Variants in SPATA32 observed in about 807,000 individuals in gnomAD.
SPATA32 encodes the protein spermatogenesis-associated protein 32.
SPATA32 carries 28 observed loss-of-function variants against 35.4 expected under a neutral mutation model. The observed-to-expected ratio is 0.79, with a 90% CI of 0.59 to 1.09. The LOEUF is 1.09. SPATA32 is among the 50% of genes least tolerant of loss of function. SPATA32 has a pLI of 0.00. For synonymous variants in SPATA32, 168 were observed against 196.3 expected, an observed-to-expected ratio of 0.86 and a Z score of 1.20; for missense variants, 409 against 475.9, an observed-to-expected ratio of 0.86 and a Z score of 1.31.
intron 1 of SPATA32, chr17:45,261,684 C>T (rs909407750): frequency 4.7e-5 from 17 of 365,150 alleles, no homozygotes; most frequent in Admixed American, 9.2e-5. Context: ...GTTTCCTGTG[C>T]ACAAGGCCAT....
chr17:45,261,999 C>T lies in SPATA32; in HGVS notation c.13+5G>A. The T allele has an allele frequency of 7.6e-7, 1 of 1,313,094 alleles. No homozygotes were observed. Among genetic ancestry groups the T allele is most frequent in the Non-Finnish European group, 9.8e-7 (1 of 1,022,264 alleles). 81.3% of individuals were successfully genotyped at this position (1,313,094 alleles called of 1,614,324 possible). On this transcript the variant is annotated splice_donor_5th_base_variant and intron_variant, in intron 1 of 4. Transcript: ENST00000331780. ...CCTCGCCCCCGGGCGCTCGGCCGCTCCCACCTGTCACCCCCATGCAGACCG... is the reference window on the plus strand; with the variant it reads ...CCTCGCCCCCGGGCGCTCGGCCGCTTCCACCTGTCACCCCCATGCAGACCG...
chr17:45,258,470 C>T (rs1019712617), intron 1 of SPATA32, among the ~76,000 whole-genome samples: 1 of 152,116 alleles, frequency 6.6e-6, no homozygotes. Flanking sequence ...CCTCCATAAA[C>T]GGCAGCTGGG....
At position 45,255,737 on chromosome 17, in the gene SPATA32, T is replaced by C; in HGVS notation, c.445A>G (p.Ile149Val). The C allele has an allele frequency of 6.2e-7, 1 of 1,613,960 alleles. No homozygotes were observed. Among genetic ancestry groups the C allele is most frequent in the Non-Finnish European group, 8.5e-7 (1 of 1,179,930 alleles). The change falls in exon 4 of 5, where the codon ATC (isoleucine) becomes GTC (valine). Residue 149 changes from isoleucine (I) to valine (V), a missense_variant. By Grantham distance (29) the Ile-to-Val change is conservative. Coordinates refer to ENST00000331780, the MANE Select transcript of SPATA32 (RefSeq NM_152343.3). This position sits in a 1 kb window ranked among gnomAD's most constrained non-coding sequence, Gnocchi z 5.4. Reference protein sequence around the residue: ...ENHVSACHHSISAQTSKHLFW... With the variant: ...ENHVSACHHSVSAQTSKHLFW... ...AGGTGCTTGGAGGTCTGCGCACTGA[T>C]GGAGTGATGGCAGGCAGACACGTGG...
rs73984353 is a variant in SPATA32 at position 45,255,632 on chromosome 17, C to T, written c.550G>A (p.Ala184Thr). The change falls in exon 4 of 5, where the codon GCA becomes ACA. Residue 184 changes from alanine to threonine, a missense_variant. Ala to Thr is a moderately conservative substitution (Grantham distance 58, BLOSUM62 0). Transcript: ENST00000331780. This position sits in a 1 kb window ranked among gnomAD's most constrained non-coding sequence, Gnocchi z 5.4. ...AGCGGGGATCTGATGGGCTGGCCTG[C>T]GCTGCCATTGTTGAGCTGCATGTTG... ...AINMQLNNGS[A>T]GQPIRSPLRE... 9.6e-5 allele frequency: 155 copies of T among 1,613,906 alleles called. No homozygotes were observed. In the African/African-American group the frequency reaches 1.7e-3, roughly 17 times the overall value.
rs1281700932 is a variant in SPATA32 at position 45,255,802 on chromosome 17, C to T, written c.380G>A (p.Trp127Ter). 2 of 1,614,146 alleles carry T rather than the reference C, an allele frequency of 1.2e-6. No homozygotes were observed. Among genetic ancestry groups the T allele is most frequent in the African/African-American group, 2.7e-5 (2 of 75,034 alleles). ...GLPTPQTFRP[W>*]SLNSNCRSFT... ...ACTCCGGCAGTTTGAATTCAGACTC[C>T]ACGGTCTGAAGGTCTGTGGCGTGGG... The change falls in exon 4 of 5, where the codon TGG (tryptophan) becomes TAG (stop). Residue 127 changes from tryptophan (W) to a stop codon, truncating the protein, a stop_gained. Transcript: ENST00000331780. LOFTEE classifies it high-confidence loss of function. This position sits in a 1 kb window ranked among gnomAD's most constrained non-coding sequence, Gnocchi z 5.4.
chr17:45,261,918 A>C, intron 1 of SPATA32, 86 bp downstream of exon 1: 1 of 1,251,068 alleles, frequency 8.0e-7, no homozygotes, highest in Non-Finnish European at 1.0e-6. Flanking sequence ...CGGATTCCTG[A>C]CCGCCCCCTT....
At chr17:45,258,709 A>T (rs933635617) in intron 1 of SPATA32, among the ~76,000 whole-genome samples, 1 of 150,116 alleles carries the variant, frequency 6.7e-6, no homozygotes, top group Non-Finnish European at 1.5e-5. Context: ...ATCTCGGCTC[A>T]CTGTAACCTC....
chr17:45,261,094 G>GTTTT (rs1491518933), intron 1 of SPATA32: 834 of 62,292 alleles, frequency 0.013, 21 homozygotes, highest in African/African-American at 0.065. Flanking sequence ...CCCGACCTCT[G>GTTTT]GTTTTTTTTT....
chr17:45,258,843 C>A, intron 1 of SPATA32, among the ~76,000 whole-genome samples: 1 of 152,114 alleles, frequency 6.6e-6, no homozygotes, highest in East Asian at 1.9e-4. Flanking sequence ...ACCATTTTGG[C>A]CAGGCTGATC....
In SPATA32 at chr17:45,255,959, A is replaced by T; in HGVS notation, c.223T>A (p.Ser75Thr). The T allele has an allele frequency of 1.9e-6, 3 of 1,613,348 alleles. No individual in the cohort carries two copies. The South Asian group carries it at 3.3e-5, about 18-fold the overall frequency. Residue 75 changes from serine to threonine, a missense_variant, in exon 4 of 5, where the codon TCA (serine) becomes ACA (threonine). Ser to Thr is a moderately conservative substitution (Grantham distance 58). Transcript: ENST00000331780. The surrounding 1 kb of genome is among the most constrained non-coding windows in gnomAD (Gnocchi z 5.4). ...EIGQVPALLE[S>T]ELYPALKLEA... ...AGCTTGAGGGCTGGGTATAGCTCTGACTCCAGTAAAGCCGGCACCTGTCCG... is the reference window on the plus strand; with the variant it reads ...AGCTTGAGGGCTGGGTATAGCTCTGTCTCCAGTAAAGCCGGCACCTGTCCG...
chr17:45,256,567 C>T lies in SPATA32; in HGVS notation c.69-152G>A, dbSNP rs1237796698. 4.3e-6 allele frequency: 3 copies of T among 697,286 alleles called. No homozygotes were observed. In the African/African-American group the frequency reaches 5.2e-5, roughly 12 times the overall value. 43.2% of individuals were successfully genotyped at this position (697,286 alleles called of 1,614,324 possible). ...CCCCGCCACCAGCTCATCCACTCCC[C>T]TGCTGTCCCACTCCACTGCCACCAG... On this transcript the variant is annotated intron_variant, in intron 2 of 4. Coordinates refer to ENST00000331780, the MANE Select transcript of SPATA32 (RefSeq NM_152343.3). This position sits in a 1 kb window ranked among gnomAD's most constrained non-coding sequence, Gnocchi z 4.7.
chr17:45,257,034 G>A, intron 2 of SPATA32, 119 bp downstream of exon 2: 2 of 1,179,550 alleles, frequency 1.7e-6, no homozygotes, highest in Admixed American at 4.0e-5. Context: ...GCCCCGGGGA[G>A]GTTTTGGAAA....
In SPATA32 at chr17:45,254,409, T is replaced by G. The variant is rs2143714917; in HGVS notation, c.*17A>C. 1.9e-6 allele frequency: 3 copies of G among 1,613,056 alleles called. No individual in the cohort carries two copies. In the East Asian group the frequency reaches 6.7e-5, roughly 36 times the overall value. ...AAGCCGACGGCCAGCACTGGAGGCT[T>G]TATTGGTTCTGTCTAGTCATTTCTC... On this transcript the variant is annotated 3_prime_UTR_variant, in exon 5 of 5. Transcript: ENST00000331780.
In SPATA32 at chr17:45,256,397, G is replaced by T. The variant is rs749935118; in HGVS notation, c.87C>A (p.His29Gln). 1 of 1,606,340 alleles carries T rather than the reference G, an allele frequency of 6.2e-7. No homozygotes were observed. Among genetic ancestry groups the T allele is most frequent in the Non-Finnish European group, 8.5e-7 (1 of 1,175,956 alleles). ...VAEMRDDLSQ[H>Q]QIQEEQELEA... ...TTACCTCCTGTTCCTCTTGTATCTG[G>T]TGTTGACTTAAGTCATCTCTAAGAC... The change falls in exon 3 of 5, where the codon CAC (histidine) becomes CAA (glutamine). Residue 29 changes from histidine (H) to glutamine (Q), a missense_variant. His to Gln is a conservative substitution (Grantham distance 24). Transcript: ENST00000331780. This position sits in a 1 kb window ranked among gnomAD's most constrained non-coding sequence, Gnocchi z 4.7.
chr17:45,257,267 AT>A (rs755148758), intron 1 of SPATA32, 60 bp from the exon 2 acceptor site: 2 of 1,548,968 alleles, frequency 1.3e-6, no homozygotes. Context: ...TCCCAGAGGG[AT>A]TCCGGAGCCA....
At chr17:45,261,973 C>A in intron 1 of SPATA32, 31 bp downstream of exon 1, 3 of 1,312,310 alleles carry the variant, frequency 2.3e-6, no homozygotes, top group Non-Finnish European at 2.9e-6. Flanking sequence ...CCTGCCCCAA[C>A]CCTCGCCCCC....
intron 1 of SPATA32, among the ~76,000 whole-genome samples, chr17:45,257,459 G>A (rs1348350444): frequency 2.0e-5 from 3 of 152,018 alleles, no homozygotes; most frequent in South Asian, 2.1e-4. Context: ...CCCCAAAACC[G>A]TGACTGCTAA....
chr17:45,261,942 C>T (rs1238727614), intron 1 of SPATA32, 62 bp downstream of exon 1: 2 of 1,299,024 alleles, frequency 1.5e-6, no homozygotes, highest in Non-Finnish European at 2.0e-6. Flanking sequence ...GCCCCTCCCC[C>T]TCTCACTTTC....
chr17:45,254,958 C>T, intron 4 of SPATA32, 157 bp downstream of exon 4: 1 of 728,992 alleles, frequency 1.4e-6, no homozygotes, highest in Non-Finnish European at 2.2e-6. Context: ...GTTCCAACAG[C>T]CTTTATGAGG....
Sources: allele counts gnomAD v4.1 joint callset (sites outside exome capture counted in the v4.1 genomes callset), GRCh38; gene constraint gnomAD v4.1.1; non-coding constraint Gnocchi (gnomAD v3.1); transcripts MANE v1.5; gene names NCBI Gene and HGNC (gene_info 2026-07-23, HGNC 2026-07-21).